PEAK1: variants seen among roughly 807,000 people sequenced by gnomAD.
PEAK1 encodes the protein inactive tyrosine-protein kinase PEAK1.
A neutral mutation model predicts 124.7 loss-of-function variants in PEAK1; 54 were observed. The ratio of observed to expected loss-of-function variants is 0.43; its 90% CI spans 0.35 to 0.54. The LOEUF (loss-of-function observed/expected upper bound fraction) is 0.54, where lower values mean the gene tolerates loss of function less well. PEAK1 is among the 20% of genes least tolerant of loss of function. The probability of loss-of-function intolerance (pLI) is 0.01; values close to 1 mark genes in which losing one functional copy is unlikely to be tolerated. For synonymous variants in PEAK1, 719 were observed against 760.0 expected (o/e 0.95, Z 0.89); for missense variants, 2,046 against 2,134.5 (o/e 0.96, Z 0.82).
At chr15:77,319,723 A>G (rs2065080735) in intron 2 of PEAK1, among the ~76,000 whole-genome samples, 1 of 152,178 alleles carries the variant, frequency 6.6e-6, no homozygotes, top group South Asian at 2.1e-4. Context: ...TTTGTGCACC[A>G]TCAATCCCTC....
At chr15:77,204,987 A>G (rs1369674944) in intron 6 of PEAK1, 1 of 195,636 alleles carries the variant, frequency 5.1e-6, no homozygotes, top group South Asian at 8.2e-5. Flanking sequence ...AAAACAGGCC[A>G]AAGTGGCTAA....
At chr15:77,209,293 T>C (rs1329645095) in intron 6 of PEAK1, among the ~76,000 whole-genome samples, 1 of 151,944 alleles carries the variant, frequency 6.6e-6, no homozygotes, top group Non-Finnish European at 1.5e-5. Flanking sequence ...AAACGGAGAT[T>C]TTCAAAGTAA....
intron 5 of PEAK1, among the ~76,000 whole-genome samples, chr15:77,263,173 A>C (rs572884040): frequency 4.7e-4 from 72 of 152,234 alleles, no homozygotes; most frequent in Middle Eastern, 3.4e-3. Flanking sequence ...AATTGACACC[A>C]TAACATCACA....
intron 8 of PEAK1, among the ~76,000 whole-genome samples, chr15:77,136,798 G>A (rs2053369050): frequency 6.6e-6 from 1 of 152,242 alleles, no homozygotes; most frequent in South Asian, 2.1e-4. Context: ...GCAGAAACTT[G>A]CATAAGTAAC....
At chr15:77,324,985 A>G (rs987455538) in intron 2 of PEAK1, among the ~76,000 whole-genome samples, 1 of 152,242 alleles carries the variant, frequency 6.6e-6, no homozygotes, top group African/African-American at 2.4e-5. Flanking sequence ...TATTTGTCTC[A>G]CTAGTGTTTA....
At chr15:77,383,996 A>G (rs969992520) in intron 1 of PEAK1, among the ~76,000 whole-genome samples, 1 of 152,224 alleles carries the variant, frequency 6.6e-6, no homozygotes, top group African/African-American at 2.4e-5. Context: ...ACTTGAATCA[A>G]AAGATTAAAC....
At chr15:77,345,846 T>C (rs986816752) in intron 2 of PEAK1, 2 of 909,400 alleles carry the variant, frequency 2.2e-6, no homozygotes, top group Non-Finnish European at 2.6e-6. Context: ...AAGTATTACA[T>C]GTATCCCCAA....
intron 9 of PEAK1, among the ~76,000 whole-genome samples, chr15:77,119,705 C>T (rs1277817217): frequency 2.0e-5 from 3 of 152,332 alleles, no homozygotes; most frequent in African/African-American, 7.2e-5. Flanking sequence ...ATTCATCATG[C>T]ACAACCTGAA....
chr15:77,415,935 C>A (rs2072848038), intron 1 of PEAK1, among the ~76,000 whole-genome samples: 1 of 152,174 alleles, frequency 6.6e-6, no homozygotes, highest in African/African-American at 2.4e-5. Flanking sequence ...AAGTATCTCC[C>A]CCTGCTTAAA....
chr15:77,288,927 CA>C (rs34321536), intron 2 of PEAK1, among the ~76,000 whole-genome samples: 26,476 of 86,114 alleles, frequency 0.31, 1,788 homozygotes, highest in Middle Eastern at 0.36. Flanking sequence ...GACTCCGTCT[CA>C]AAAAAAAAAA....
intron 7 of PEAK1, among the ~76,000 whole-genome samples, chr15:77,165,968 T>A (rs2056068167): frequency 6.6e-6 from 1 of 152,190 alleles, no homozygotes; most frequent in African/African-American, 2.4e-5. Context: ...AAGCTTGGCA[T>A]ACTGCAGAAA....
chr15:77,315,438 G>A (rs1004300172), intron 2 of PEAK1, among the ~76,000 whole-genome samples: 1 of 151,956 alleles, frequency 6.6e-6, no homozygotes, highest in African/African-American at 2.4e-5. Context: ...TTAGCATTTC[G>A]AGTCGTGTGC....
intron 6 of PEAK1, among the ~76,000 whole-genome samples, chr15:77,197,555 C>T (rs1422232251): frequency 6.6e-6 from 1 of 152,058 alleles, no homozygotes; most frequent in Non-Finnish European, 1.5e-5. Context: ...TCTACCTTTA[C>T]CTTTTTTCTA....
At chr15:77,152,629 C>T in intron 8 of PEAK1, among the ~76,000 whole-genome samples, 1 of 152,254 alleles carries the variant, frequency 6.6e-6, no homozygotes, top group South Asian at 2.1e-4. Flanking sequence ...GTGGGTTTGT[C>T]ATAGATAGCT....
chr15:77,408,154 T>TATACACAC (rs1555504227), intron 1 of PEAK1, among the ~76,000 whole-genome samples: 2,853 of 144,382 alleles, frequency 0.02, 39 homozygotes, highest in East Asian at 0.054. Flanking sequence ...CATATATACA[T>TATACACAC]ACACACACAC....
chr15:77,397,282 C>T (rs1233566011), intron 1 of PEAK1, among the ~76,000 whole-genome samples: 1 of 151,832 alleles, frequency 6.6e-6, no homozygotes, highest in Non-Finnish European at 1.5e-5. Context: ...ACACAACATA[C>T]CAAAAATCTA....
chr15:77,419,509 G>C, intron 1 of PEAK1: 1 of 985,270 alleles, frequency 1.0e-6, no homozygotes, highest in Non-Finnish European at 1.2e-6. Flanking sequence ...ACCCGGCTCC[G>C]TCCCGACGCT....
chr15:77,193,803 TAACTAAACTAAACTAAACTAAACTA>T (rs56866442), intron 6 of PEAK1, among the ~76,000 whole-genome samples: 96 of 146,184 alleles, frequency 6.6e-4, no homozygotes, highest in African/African-American at 1.3e-3. Flanking sequence ...GACTCTATCT[TAACTAAACTAAACTAAACTAAACTA>T]AACTAAACTA....
chr15:77,215,412 G>A (rs918761237), intron 6 of PEAK1, among the ~76,000 whole-genome samples: 5 of 152,150 alleles, frequency 3.3e-5, no homozygotes, highest in African/African-American at 1.2e-4. Flanking sequence ...CTGGGTGATT[G>A]GTTCTGGGAC....
Sources: gnomAD v4.1 joint callset for allele counts (sites outside exome capture counted in the v4.1 genomes callset) on GRCh38, gnomAD v4.1.1 for gene constraint, MANE v1.5 for transcripts, NCBI Gene and HGNC (gene_info 2026-07-23, HGNC 2026-07-21) for gene names.